Variants in NDST4 observed in about 807,000 individuals in gnomAD.
The protein encoded by NDST4 is N-deacetylase and N-sulfotransferase 4, also known as N-heparan sulfate sulfotransferase 4.
A neutral mutation model predicts 100.8 loss-of-function variants in NDST4; 63 were observed. The observed-to-expected ratio is 0.62, with a 90% confidence interval of 0.51 to 0.77. The LOEUF (loss-of-function observed/expected upper bound fraction) is 0.77, where lower values mean the gene tolerates loss of function less well. Among genes scored for constraint, NDST4 ranks in the 30% least tolerant of loss-of-function variants. The pLI is 0.00. For missense variants in NDST4, 943 were observed against 1,018.4 expected (o/e 0.93, Z 1.01); for synonymous variants, 377 against 361.8 (o/e 1.04, Z -0.48).
At chr4:114,874,283 T>A (rs1724212025) in intron 6 of NDST4, among the ~76,000 whole-genome samples, 1 of 152,126 alleles carries the variant, frequency 6.6e-6, no homozygotes, top group South Asian at 2.1e-4. Flanking sequence ...TGGTTCTAAG[T>A]CATTTTTCCA....
At chr4:114,917,953 A>G (rs1725208636) in intron 6 of NDST4, among the ~76,000 whole-genome samples, 1 of 152,214 alleles carries the variant, frequency 6.6e-6, no homozygotes, top group Non-Finnish European at 1.5e-5. Context: ...CAGAACAAAA[A>G]GAGATTTATT....
intron 4 of NDST4, chr4:114,956,078 G>A (rs1308337517): frequency 6.6e-6 from 1 of 152,224 alleles, no homozygotes; most frequent in African/African-American, 2.4e-5. Context: ...AGTGCAGAAG[G>A]CCAAGAATAC....
At chr4:114,964,964 GT>G (rs35971842) in intron 4 of NDST4, among the ~76,000 whole-genome samples, 3 of 151,324 alleles carry the variant, frequency 2.0e-5, no homozygotes, top group South Asian at 2.1e-4. Flanking sequence ...GTGCTTCAGG[GT>G]TTTTTATTAC....
intron 3 of NDST4, among the ~76,000 whole-genome samples, chr4:114,971,029 C>G (rs1242736699): frequency 1.3e-5 from 2 of 151,966 alleles, no homozygotes; most frequent in African/African-American, 4.8e-5. Context: ...AAGTAATACA[C>G]AAAGCCCAAA....
chr4:114,858,279 A>T (rs950462221), intron 7 of NDST4, among the ~76,000 whole-genome samples: 5 of 152,220 alleles, frequency 3.3e-5, no homozygotes, highest in African/African-American at 9.6e-5. Flanking sequence ...TTTGACATGT[A>T]TTCCAAACAT....
In NDST4 at chr4:114,935,288, T is replaced by C. The variant is rs202042845; in HGVS notation, c.1454A>G (p.Tyr485Cys). Reference sequence around the variant, plus strand: ...TTGGGGTCCTCCTGGATATTCTTTGTAGAAAATAGTGTGAGTGAACAACCC... The same window carrying C: ...TTGGGGTCCTCCTGGATATTCTTTGCAGAAAATAGTGTGAGTGAACAACCC... ...TCGLFTHTIF[Y>C]KEYPGGPQEL... Residue 485 changes from tyrosine to cysteine, a missense_variant, in exon 6 of 14, where the codon TAC becomes TGC. By Grantham distance (194) the Tyr-to-Cys change is radical. This residue lies in a region of NDST4 where 526 missense variants were observed against 634.1 expected (regional missense o/e 0.83). Coordinates refer to ENST00000264363, the MANE Select transcript of NDST4 (RefSeq NM_022569.3). 1.1e-4 allele frequency: 171 copies of C among 1,610,786 alleles called. 1 individual carries two copies. The highest frequency in any genetic ancestry group is 2.8e-5 in the Non-Finnish European group (33 of 1,178,592).
In NDST4 at chr4:115,005,762, A is replaced by G. The variant is rs143526970; in HGVS notation, c.979-28488T>C. Reference sequence around the variant, plus strand: ...GTTAGCTGGATAAGATGGTGGGGGCAATCCAGAAAAAATAAAACAGAAACA... The same window carrying G: ...GTTAGCTGGATAAGATGGTGGGGGCGATCCAGAAAAAATAAAACAGAAACA... On this transcript the variant is annotated intron_variant, in intron 2 of 13. Transcript: ENST00000264363. Among the ~76,000 whole-genome samples, 22 of 152,160 alleles carry G rather than the reference A, an allele frequency of 1.4e-4. No individual in the cohort carries two copies. The East Asian group carries it at 4.3e-3, about 29-fold the overall frequency.
intron 6 of NDST4, among the ~76,000 whole-genome samples, chr4:114,889,526 A>G (rs1004369618): frequency 6.6e-6 from 1 of 152,212 alleles, no homozygotes; most frequent in African/African-American, 2.4e-5. Context: ...ATTAGGTAAT[A>G]AAGTGTTTGA....
Position 115,010,006 on chromosome 4 carries a change from G to C in NDST4, c.979-32732C>G, listed in dbSNP as rs1387259584. Among the ~76,000 whole-genome samples, 7 of 103,114 alleles carry C rather than the reference G, an allele frequency of 6.8e-5. 2 individuals are homozygous for C. The highest frequency in any genetic ancestry group is 1.2e-4 in the Non-Finnish European group (6 of 50,282). 67.6% of individuals were successfully genotyped at this position (103,114 alleles called of 152,430 possible). A position where few individuals can be genotyped will look rare whatever the true frequency, so the allele number is the denominator to read the frequency against. ...ATGAGATACCATCTCACACCAGTTA[G>C]AATGGCAATCATTAAAAAGTCAGGA... On this transcript the variant is annotated intron_variant, in intron 2 of 13. Transcript: ENST00000264363.
chr4:114,969,269 C>A (rs1374460453), intron 4 of NDST4, among the ~76,000 whole-genome samples: 2 of 145,860 alleles, frequency 1.4e-5, no homozygotes, highest in African/African-American at 2.6e-5. Context: ...AGCCGAGATC[C>A]CGCCACTGCA....
intron 2 of NDST4, among the ~76,000 whole-genome samples, chr4:114,982,092 G>A (rs913060502): frequency 2.0e-5 from 3 of 152,174 alleles, no homozygotes; most frequent in African/African-American, 7.2e-5. Context: ...TCCAGTCTCA[G>A]GTATGTGTTT....
At chr4:114,828,741 A>G (rs1460652199) in intron 13 of NDST4, among the ~76,000 whole-genome samples, 2 of 152,166 alleles carry the variant, frequency 1.3e-5, no homozygotes, top group African/African-American at 4.8e-5. Flanking sequence ...TGTTGCTGGC[A>G]TAGGTAACAA....
chr4:114,898,820 A>G (rs1043387807), intron 6 of NDST4, among the ~76,000 whole-genome samples: 1 of 151,936 alleles, frequency 6.6e-6, no homozygotes, highest in African/African-American at 2.4e-5. Context: ...TTCAAATTCC[A>G]TTTGTTTATT....
At position 114,986,793 on chromosome 4, in the gene NDST4, C is replaced by CATACATATAT. The variant is rs1553959380; in HGVS notation, c.979-9520_979-9519insATATATGTAT. On this transcript the variant is annotated intron_variant, in intron 2 of 13. Coordinates refer to ENST00000264363, the MANE Select transcript of NDST4 (RefSeq NM_022569.3). Reference sequence around the variant, plus strand: ...CCTCTAAGCCTGGTATCCAATTATACATATATATATATATATATATATATA... The same window carrying CATACATATAT: ...CCTCTAAGCCTGGTATCCAATTATACATACATATATATATATATATATATATATATATATA... 1.7e-3 allele frequency among the ~76,000 whole-genome samples: 156 copies of CATACATATAT among 91,126 alleles called. 4 individuals carry two copies. The highest frequency in any genetic ancestry group is 6.7e-3 in the African/African-American group (148 of 22,102). The allele number at this position is 91,126 out of a possible 152,430, so 59.8% of individuals were successfully genotyped here.
chr4:115,095,213 C>T (rs970316736), intron 1 of NDST4, among the ~76,000 whole-genome samples: 2 of 152,076 alleles, frequency 1.3e-5, no homozygotes, highest in African/African-American at 4.8e-5. Flanking sequence ...ATATCAGTTA[C>T]CAAAGACACT....
In NDST4 at chr4:115,008,312, C is replaced by A. The variant is rs1200217007; in HGVS notation, c.979-31038G>T. Among the ~76,000 whole-genome samples the A allele has an allele frequency of 1.1e-4, 14 of 129,122 alleles. 3 individuals are homozygous for A. Among genetic ancestry groups the A allele is most frequent in the Non-Finnish European group, 2.0e-4 (12 of 60,360 alleles). The allele number at this position is 129,122 out of a possible 152,430, so 84.7% of individuals were successfully genotyped here. A position where few individuals can be genotyped will look rare whatever the true frequency, so the allele number is the denominator to read the frequency against. ...TTCTTCCTAGACTCGATGGTCTTTA[C>A]AATTTGGCATGATTTTGCAGTGGCT... is the stretch of plus-strand genomic sequence containing the variant. On this transcript the variant is annotated intron_variant, in intron 2 of 13. Coordinates refer to ENST00000264363, the MANE Select transcript of NDST4 (RefSeq NM_022569.3).
intron 1 of NDST4, among the ~76,000 whole-genome samples, chr4:115,094,478 C>T (rs1411234515): frequency 6.6e-6 from 1 of 152,056 alleles, no homozygotes; most frequent in Non-Finnish European, 1.5e-5. Context: ...CAACATAATT[C>T]ATGAATATAA....
At chr4:115,098,001 C>A (rs538315638) in intron 1 of NDST4, among the ~76,000 whole-genome samples, 35 of 152,164 alleles carry the variant, frequency 2.3e-4, no homozygotes, top group African/African-American at 8.4e-4. Context: ...TAGTTGTTTC[C>A]GGTTTCCCGG....
At chr4:114,903,612 G>A (rs1724891443) in intron 6 of NDST4, among the ~76,000 whole-genome samples, 1 of 151,992 alleles carries the variant, frequency 6.6e-6, no homozygotes, top group South Asian at 2.1e-4. Flanking sequence ...TATGCCCTGT[G>A]ACTTCACTTC....
Sources: gnomAD v4.1 joint callset for allele counts (sites outside exome capture counted in the v4.1 genomes callset) on GRCh38, gnomAD v4.1.1 for gene constraint, gnomAD v4.1.1 regional missense constraint, MANE v1.5 for transcripts, NCBI Gene and HGNC (gene_info 2026-07-23, HGNC 2026-07-21) for gene names.